Variants in SIPA1L1 observed in about 807,000 individuals in gnomAD.
The protein encoded by SIPA1L1 is signal induced proliferation associated 1 like 1.
A neutral mutation model predicts 162.7 loss-of-function variants in SIPA1L1; 26 were observed. The observed-to-expected ratio is 0.16, with a 90% CI of 0.12 to 0.22. The LOEUF is 0.22. Among genes scored for constraint, SIPA1L1 ranks in the 10% least tolerant of loss-of-function variants. The pLI is 1.00. For synonymous variants in SIPA1L1, 829 were observed against 837.4 expected (o/e 0.99, Z 0.17); for missense variants, 1,874 against 2,241.0 (o/e 0.84, Z 3.31).
intron 11 of SIPA1L1, 52 bp downstream of exon 11, chr14:71,671,744 T>TC: frequency 7.1e-7 from 1 of 1,407,148 alleles, no homozygotes; most frequent in Non-Finnish European, 9.6e-7. Context: ...CATAAAGTTT[T>TC]CAATACAGAC....
intron 2 of SIPA1L1, among the ~76,000 whole-genome samples, chr14:71,454,779 AG>A (rs2046071088): frequency 1.3e-5 from 2 of 152,234 alleles, no homozygotes; most frequent in Admixed American, 6.5e-5. Context: ...ATAAAACCAT[AG>A]CTTTCAAGAT....
At chr14:71,565,755 A>G (rs2030368767) in intron 4 of SIPA1L1, among the ~76,000 whole-genome samples, 1 of 152,132 alleles carries the variant, frequency 6.6e-6, no homozygotes, top group Non-Finnish European at 1.5e-5. Flanking sequence ...TATGGGGTGT[A>G]TGTAATTTCC....
At chr14:71,681,856 T>C (rs1256986005) in intron 12 of SIPA1L1, among the ~76,000 whole-genome samples, 2 of 152,210 alleles carry the variant, frequency 1.3e-5, no homozygotes, top group Non-Finnish European at 2.9e-5. Flanking sequence ...ATACAAAGAC[T>C]GAAAAACAGA....
intron 2 of SIPA1L1, among the ~76,000 whole-genome samples, chr14:71,436,760 ATTTTTTTTTTTT>A (rs1231560483): frequency 7.6e-6 from 1 of 130,984 alleles, no homozygotes; most frequent in Non-Finnish European, 1.6e-5. Flanking sequence ...TACCTTCTGA[ATTTTTTTTTTTT>A]TTTTTTTTTT....
At chr14:71,661,035 G>A (rs2043461398) in intron 9 of SIPA1L1, among the ~76,000 whole-genome samples, 1 of 152,200 alleles carries the variant, frequency 6.6e-6, no homozygotes, top group South Asian at 2.1e-4. Flanking sequence ...GAAACTGAGG[G>A]TTTGGTGATG....
chr14:71,704,651 G>A, intron 15 of SIPA1L1: 1 of 1,153,360 alleles, frequency 8.7e-7, no homozygotes, highest in South Asian at 1.2e-5. Context: ...TTGAACGCCA[G>A]CTTGGAGTCC....
At position 71,739,391 on chromosome 14, in the gene SIPA1L1, G is replaced by A. The variant is rs1358320331; in HGVS notation, c.*230G>A. ...AAAAATTTTAAACAGTAAAATAAAAGTTTAACTGCTAAAATGTGAATGTCT... is the reference window on the plus strand; with the variant it reads ...AAAAATTTTAAACAGTAAAATAAAAATTTAACTGCTAAAATGTGAATGTCT... On this transcript the variant is annotated 3_prime_UTR_variant, in exon 24 of 24. Transcript: ENST00000381232. The A allele has an allele frequency of 3.2e-6, 1 of 317,284 alleles. No individual in the cohort carries two copies. The highest frequency in any genetic ancestry group is 5.7e-6 in the Non-Finnish European group (1 of 174,790). The allele number at this position is 317,284 out of a possible 1,614,324, so 19.7% of individuals were successfully genotyped here.
intron 6 of SIPA1L1, 88 bp from the exon 7 acceptor site, chr14:71,623,960 C>A (rs2039712227): frequency 9.2e-7 from 1 of 1,091,064 alleles, no homozygotes; most frequent in Non-Finnish European, 1.3e-6. Context: ...CTGTGAGGAG[C>A]CCCACAGTTC....
At chr14:71,471,031 G>A (rs1479018009) in intron 2 of SIPA1L1, among the ~76,000 whole-genome samples, 4 of 151,928 alleles carry the variant, frequency 2.6e-5, no homozygotes, top group South Asian at 2.1e-4. Context: ...TAATAGAGAC[G>A]GGTTTTCACT....
At chr14:71,375,523 T>A (rs543951244) in intron 2 of SIPA1L1, among the ~76,000 whole-genome samples, 2 of 152,298 alleles carry the variant, frequency 1.3e-5, no homozygotes, top group South Asian at 4.1e-4. Flanking sequence ...ACACAAATGA[T>A]CATGTTCCAC....
chr14:71,560,009 T>G (rs1383121656), intron 4 of SIPA1L1, among the ~76,000 whole-genome samples: 1 of 152,170 alleles, frequency 6.6e-6, no homozygotes, highest in Non-Finnish European at 1.5e-5. Flanking sequence ...CTCTGATTAT[T>G]GTAACTGAAT....
intron 2 of SIPA1L1, among the ~76,000 whole-genome samples, chr14:71,511,961 A>G (rs1462118924): frequency 8.5e-5 from 13 of 152,194 alleles, no homozygotes; most frequent in Non-Finnish European, 1.9e-4. Flanking sequence ...TGCATCTTCC[A>G]TTTGGCTGTT....
intron 4 of SIPA1L1, among the ~76,000 whole-genome samples, chr14:71,544,850 G>C (rs866156288): frequency 1.3e-5 from 2 of 152,010 alleles, no homozygotes; most frequent in Non-Finnish European, 1.5e-5. Flanking sequence ...CTTTATAAAG[G>C]CTTCAAATCA....
chr14:71,514,863 G>A (rs368714463), intron 3 of SIPA1L1, among the ~76,000 whole-genome samples: 168 of 152,312 alleles, frequency 1.1e-3, no homozygotes, highest in African/African-American at 3.8e-3. Context: ...AAGACACTGT[G>A]TGCTAAGGAT....
At chr14:71,589,413 C>A (rs1466480869) in intron 5 of SIPA1L1, 43 bp downstream of exon 5, 1 of 1,308,490 alleles carries the variant, frequency 7.6e-7, no homozygotes, top group East Asian at 2.3e-5. Flanking sequence ...TTTTGCAGTA[C>A]TTTCTGAAGA....
intron 4 of SIPA1L1, among the ~76,000 whole-genome samples, chr14:71,558,236 G>C (rs929435530): frequency 6.6e-6 from 1 of 152,090 alleles, no homozygotes; most frequent in African/African-American, 2.4e-5. Flanking sequence ...TCAGGGCACG[G>C]ACTTAAAATT....
intron 2 of SIPA1L1, among the ~76,000 whole-genome samples, chr14:71,398,820 A>G (rs542464139): frequency 6.6e-5 from 10 of 152,300 alleles, no homozygotes; most frequent in South Asian, 2.1e-4. Flanking sequence ...CTGCTTTTAC[A>G]TATCTTTCTC....
At chr14:71,720,106 A>C (rs2083584106) in intron 17 of SIPA1L1, among the ~76,000 whole-genome samples, 1 of 152,112 alleles carries the variant, frequency 6.6e-6, no homozygotes, top group African/African-American at 2.4e-5. Context: ...AGTTTGATTA[A>C]TATATGCCTT....
At position 71,735,644 on chromosome 14, in the gene SIPA1L1, C is replaced by G. The variant is rs1371911681; in HGVS notation, c.5123+253C>G. Reference sequence around the variant, plus strand: ...TTTAATGTCATAATACATTTATGCCCTCAGGGCCAGTTGGGGCAGGTAGGA... The same window carrying G: ...TTTAATGTCATAATACATTTATGCCGTCAGGGCCAGTTGGGGCAGGTAGGA... On this transcript the variant is annotated intron_variant, in intron 22 of 23. Transcript: ENST00000381232. The G allele has an allele frequency of 1.6e-5, 6 of 375,412 alleles. No homozygotes were observed. In the East Asian group the frequency reaches 3.0e-4, roughly 19 times the overall value. The allele number at this position is 375,412 out of a possible 1,614,324, so 23.3% of individuals were successfully genotyped here.
Sources: allele counts gnomAD v4.1 joint callset (sites outside exome capture counted in the v4.1 genomes callset), GRCh38; gene constraint gnomAD v4.1.1; transcripts MANE v1.5; gene names NCBI Gene and HGNC (gene_info 2026-07-23, HGNC 2026-07-21).